ATRX: variants seen among roughly 807,000 people sequenced by gnomAD.
ATRX encodes the protein ATRX chromatin remodeler, also known as chromatin remodeler ATRX.
ATRX carries 12 observed loss-of-function variants against 172.6 expected under a neutral mutation model. The ratio of observed to expected loss-of-function variants is 0.07; its 90% CI spans 0.04 to 0.11. The LOEUF is 0.11. Ranked by LOEUF, ATRX falls within the 10% of genes least tolerant of loss-of-function variation. ATRX has a pLI of 1.00. For synonymous variants in ATRX, 674 were observed against 594.7 expected, an observed-to-expected ratio of 1.13 and a Z score of -1.94; for missense variants, 1,368 against 1,767.4, an observed-to-expected ratio of 0.77 and a Z score of 4.05.
At chrX:77,758,583 C>T (rs1480086202) in intron 1 of ATRX, among the ~76,000 whole-genome samples, 24 of 108,721 alleles carry the variant, frequency 2.2e-4, no homozygotes, top group African/African-American at 8.1e-4. Flanking sequence ...TGGTGAAACC[C>T]CATCTCTACT....
At chrX:77,611,363 T>C (rs1569530363) in intron 22 of ATRX, among the ~76,000 whole-genome samples, 1 of 112,010 alleles carries the variant, frequency 8.9e-6, no homozygotes, top group African/African-American at 3.2e-5. Flanking sequence ...CTCATTTCTC[T>C]ATAGCCTCAG....
chrX:77,684,812 G>T, intron 8 of ATRX, 127 bp downstream of exon 8: 1 of 788,932 alleles, frequency 1.3e-6, no homozygotes, highest in African/African-American at 2.0e-5. Flanking sequence ...GGGTTTTATG[G>T]AAAAGAACAA....
intron 1 of ATRX, among the ~76,000 whole-genome samples, chrX:77,765,700 T>G (rs2148923092): frequency 9.1e-6 from 1 of 109,824 alleles, no homozygotes; most frequent in Admixed American, 9.8e-5. Flanking sequence ...ATTTTTATTT[T>G]TATTTTTTTT....
rs1410870100 is a variant in ATRX, at chrX:77,507,855, A to G, written c.*496T>C. 3.4e-5 allele frequency: 6 copies of G among 174,758 alleles called. No homozygotes were observed. Among genetic ancestry groups the G allele is most frequent in the African/African-American group, 1.8e-4 (6 of 33,972 alleles). 14.4% of individuals were successfully genotyped at this position (174,758 alleles called of 1,213,427 possible). On this transcript the variant is annotated 3_prime_UTR_variant, in exon 35 of 35. Coordinates refer to ENST00000373344, the MANE Select transcript of ATRX (RefSeq NM_000489.6). ...GGAGCCCAGTTTCAGACTTCAGTCA[A>G]AAGAACATTAAAACCATTTCAATCA...
chrX:77,766,891 C>T (rs1557196313), intron 1 of ATRX, among the ~76,000 whole-genome samples: 1 of 112,151 alleles, frequency 8.9e-6, no homozygotes, highest in African/African-American at 3.2e-5. Flanking sequence ...GAGGTTGTAG[C>T]GAGCCGAGAT....
Position 77,669,451 on chromosome X carries a change from G to C in ATRX, c.3810-4673C>G, listed in dbSNP as rs1190849499. 3.6e-5 allele frequency among the ~76,000 whole-genome samples: 4 copies of C among 109,937 alleles called. No individual in the cohort carries two copies. The East Asian group carries it at 1.2e-3, about 32-fold the overall frequency. ...CAATTCTCCTGCCTCAGCCTCCCGAGTACGTAGGACTACAGGTGTGTGCCA... is the reference window on the plus strand; with the variant it reads ...CAATTCTCCTGCCTCAGCCTCCCGACTACGTAGGACTACAGGTGTGTGCCA... On this transcript the variant is annotated intron_variant, in intron 10 of 34. Transcript: ENST00000373344.
intron 1 of ATRX, among the ~76,000 whole-genome samples, chrX:77,749,969 C>G (rs1331410518): frequency 2.7e-5 from 3 of 110,587 alleles, no homozygotes; most frequent in Non-Finnish European, 5.7e-5. Flanking sequence ...TGATGTAACA[C>G]CAGAAGGTCA....
chrX:77,637,959 A>C (rs1335198793), intron 15 of ATRX, among the ~76,000 whole-genome samples: 3 of 87,261 alleles, frequency 3.4e-5, no homozygotes, highest in Admixed American at 1.3e-4. Flanking sequence ...AAAAAAAAAA[A>C]CACAAACAAA....
At chrX:77,557,409 G>C (rs782307695) in intron 30 of ATRX, 42 bp downstream of exon 30, 1 of 1,159,532 alleles carries the variant, frequency 8.6e-7, no homozygotes, top group Non-Finnish European at 1.2e-6. Flanking sequence ...AATTTCCTTA[G>C]TCCACGTTGG....
chrX:77,698,068 T>C (rs2072285607), intron 3 of ATRX, among the ~76,000 whole-genome samples: 1 of 111,770 alleles, frequency 8.9e-6, no homozygotes, highest in Non-Finnish European at 1.9e-5. Context: ...AAGTAACTTC[T>C]ACAACTTGCT....
At chrX:77,543,529 T>C (rs1020321557) in intron 30 of ATRX, among the ~76,000 whole-genome samples, 3 of 112,049 alleles carry the variant, frequency 2.7e-5, no homozygotes, top group Non-Finnish European at 5.6e-5. Flanking sequence ...TGCGGCACTA[T>C]TCACAATAGC....
chrX:77,777,733 CAA>C (rs1218575529), intron 1 of ATRX, among the ~76,000 whole-genome samples: 3 of 111,523 alleles, frequency 2.7e-5, no homozygotes, highest in African/African-American at 9.8e-5. Flanking sequence ...GTTACCCACC[CAA>C]AAGTCAACTG....
chrX:77,628,286 CT>C (rs2067961835), intron 19 of ATRX, among the ~76,000 whole-genome samples: 1 of 112,849 alleles, frequency 8.9e-6, no homozygotes. Flanking sequence ...TCCTCTCAAG[CT>C]ACAAAATGTG....
chrX:77,534,921 G>A (rs2063699647), intron 30 of ATRX, among the ~76,000 whole-genome samples: 1 of 111,056 alleles, frequency 9.0e-6, no homozygotes, highest in Admixed American at 9.7e-5. Context: ...GGTTTGCCAT[G>A]TTTCAAAAAT....
intron 1 of ATRX, among the ~76,000 whole-genome samples, chrX:77,773,811 A>G (rs1156890290): frequency 2.7e-5 from 3 of 111,438 alleles, no homozygotes; most frequent in Non-Finnish European, 5.6e-5. Context: ...GGCATTATAC[A>G]CCTCCTGATA....
intron 22 of ATRX, among the ~76,000 whole-genome samples, chrX:77,607,479 C>A (rs2066956491): frequency 9.0e-6 from 1 of 110,890 alleles, no homozygotes; most frequent in Non-Finnish European, 1.9e-5. Flanking sequence ...TTTGGGAGAT[C>A]AATGCGGGTG....
At chrX:77,736,183 A>C (rs2074554962) in intron 1 of ATRX, among the ~76,000 whole-genome samples, 2 of 111,540 alleles carry the variant, frequency 1.8e-5, no homozygotes, top group South Asian at 7.5e-4. Flanking sequence ...AATACCCCAC[A>C]AGCACAGGTA....
chrX:77,569,908 T>C (rs1557066473), intron 28 of ATRX, among the ~76,000 whole-genome samples: 1 of 112,048 alleles, frequency 8.9e-6, no homozygotes, highest in African/African-American at 3.2e-5. Flanking sequence ...GCAAAACTTT[T>C]GTAGGTCTAG....
intron 30 of ATRX, among the ~76,000 whole-genome samples, chrX:77,551,361 G>C (rs1258192235): frequency 1.3e-4 from 15 of 111,681 alleles, no homozygotes; most frequent in African/African-American, 4.6e-4. Flanking sequence ...AACAAGAAAT[G>C]GGGAAAGGAT....
Sources: allele counts gnomAD v4.1 joint callset (sites outside exome capture counted in the v4.1 genomes callset), GRCh38; gene constraint gnomAD v4.1.1; transcripts MANE v1.5; gene names NCBI Gene and HGNC (gene_info 2026-07-23, HGNC 2026-07-21).